Variants in ASB7 observed in about 807,000 individuals in gnomAD.
ASB7 encodes the protein ankyrin repeat and SOCS box containing 7.
In ASB7, 4 loss-of-function variants were observed where a neutral mutation model predicts 32.5. The ratio of observed to expected loss-of-function variants is 0.12; its 90% CI spans 0.06 to 0.28. The LOEUF (loss-of-function observed/expected upper bound fraction) is 0.28. Among genes scored for constraint, ASB7 ranks in the 10% least tolerant of loss-of-function variants. The probability of loss-of-function intolerance (pLI) is 1.00; values close to 1 mark genes in which losing one functional copy is unlikely to be tolerated. For synonymous variants in ASB7, 172 were observed against 155.6 expected, an observed-to-expected ratio of 1.11 and a Z score of -0.78; for missense variants, 181 against 407.1, an observed-to-expected ratio of 0.44 and a Z score of 4.78.
chr15:100,612,335 C>T lies in ASB7; in HGVS notation c.119C>T (p.Pro40Leu), dbSNP rs2039703825. ...VRKMLEQGYS[P>L]NGRDANGWTL... ...AAGATGCTAGAACAAGGCTATTCCC[C>T]GAATGGCCGAGATGCGAATGGCTGG... Residue 40 changes from proline (P) to leucine (L), a missense_variant, in exon 4 of 6, where the codon CCG becomes CTG. Transcript: ENST00000332783. 6.2e-7 allele frequency: 1 copy of T among 1,613,948 alleles called. No homozygotes were observed. The highest frequency in any genetic ancestry group is 8.5e-7 in the Non-Finnish European group (1 of 1,179,858).
At chr15:100,643,434 A>G (rs1389754759) in intron 5 of ASB7, among the ~76,000 whole-genome samples, 1 of 149,710 alleles carries the variant, frequency 6.7e-6, no homozygotes, top group Non-Finnish European at 1.5e-5. Flanking sequence ...AATCCATATC[A>G]GCAGATCCCC....
intron 5 of ASB7, among the ~76,000 whole-genome samples, chr15:100,630,713 T>C (rs190613616): frequency 9.8e-4 from 149 of 152,282 alleles, no homozygotes; most frequent in African/African-American, 3.4e-3. Flanking sequence ...TGGCCCACTT[T>C]GTGTAGTAAC....
chr15:100,631,602 G>GC (rs1260712664), intron 5 of ASB7, among the ~76,000 whole-genome samples: 3 of 152,264 alleles, frequency 2.0e-5, no homozygotes, highest in African/African-American at 7.2e-5. Flanking sequence ...AAATGCCTCA[G>GC]CCCCCTTTTT....
intron 5 of ASB7, 110 bp from the exon 6 acceptor site, chr15:100,648,213 A>G: frequency 1.7e-6 from 2 of 1,189,248 alleles, no homozygotes; most frequent in Middle Eastern, 2.0e-4. Context: ...GGTCCTTTGC[A>G]TGTCAAGTCC....
chr15:100,607,985 G>A (rs1380153625), intron 2 of ASB7, among the ~76,000 whole-genome samples: 2 of 152,160 alleles, frequency 1.3e-5, no homozygotes, highest in Non-Finnish European at 2.9e-5. Context: ...AAGTGGCGGT[G>A]GATAGTTGGA....
At chr15:100,645,403 A>G (rs1464306350) in intron 5 of ASB7, 1 of 301,552 alleles carries the variant, frequency 3.3e-6, no homozygotes, top group Non-Finnish European at 6.4e-6. Context: ...AATCTCTATA[A>G]TCAAATTATC....
rs1010978960 is a variant in ASB7 at position 100,648,515 on chromosome 15, CT to C, written c.*58del. ...AGTTCTATTCTAGATACTTAAAAGGCTTTTTGCCTTGCACAAAGTATATCCT... is the reference window on the plus strand; with the variant it reads ...AGTTCTATTCTAGATACTTAAAAGGCTTTTGCCTTGCACAAAGTATATCCT... On this transcript the variant is annotated 3_prime_UTR_variant, in exon 6 of 6. Coordinates refer to ENST00000332783, the MANE Select transcript of ASB7 (RefSeq NM_198243.3). 2.7e-6 allele frequency: 4 copies of C among 1,461,116 alleles called. No individual in the cohort carries two copies. In the African/African-American group the frequency reaches 4.3e-5, roughly 16 times the overall value. 90.5% of individuals were successfully genotyped at this position (1,461,116 alleles called of 1,614,324 possible).
At chr15:100,617,831 C>G (rs1242210385) in intron 4 of ASB7, among the ~76,000 whole-genome samples, 1 of 152,198 alleles carries the variant, frequency 6.6e-6, no homozygotes, top group Non-Finnish European at 1.5e-5. Context: ...AAAGCGAAAA[C>G]TAACACCAGT....
chr15:100,643,941 G>A (rs1461165963), intron 5 of ASB7, among the ~76,000 whole-genome samples: 2 of 151,994 alleles, frequency 1.3e-5, no homozygotes, highest in Non-Finnish European at 2.9e-5. Flanking sequence ...ATGTTATGGT[G>A]GTTCTTTTTA....
At chr15:100,631,716 T>C (rs1025122917) in intron 5 of ASB7, among the ~76,000 whole-genome samples, 1 of 152,226 alleles carries the variant, frequency 6.6e-6, no homozygotes, top group Non-Finnish European at 1.5e-5. Context: ...GCAGGTCGCC[T>C]AATCTCTCTG....
intron 4 of ASB7, among the ~76,000 whole-genome samples, chr15:100,619,718 C>A (rs7178447): frequency 0.047 from 7,184 of 152,254 alleles, 564 homozygotes; most frequent in African/African-American, 0.16. Context: ...GATCAGTGAT[C>A]ACACAGAGCT....
At chr15:100,633,658 AAGGAAGGAAGG>A (rs2039901220) in intron 5 of ASB7, among the ~76,000 whole-genome samples, 1 of 146,398 alleles carries the variant, frequency 6.8e-6, no homozygotes, top group Non-Finnish European at 1.5e-5. Context: ...AGGAAGGAGG[AAGGAAGGAAGG>A]AGGAAGGAAG....
chr15:100,610,233 G>A (rs1263511857), intron 3 of ASB7, among the ~76,000 whole-genome samples: 1 of 152,168 alleles, frequency 6.6e-6, no homozygotes, highest in Non-Finnish European at 1.5e-5. Context: ...AGTGGCTCAC[G>A]CCTGTAATCC....
intron 4 of ASB7, among the ~76,000 whole-genome samples, chr15:100,626,420 C>A (rs1217505759): frequency 1.3e-5 from 2 of 152,104 alleles, no homozygotes; most frequent in East Asian, 3.8e-4. Flanking sequence ...TTTTACCTCT[C>A]TAGAATGAGT....
At chr15:100,646,190 G>A in intron 5 of ASB7, 1 of 399,588 alleles carries the variant, frequency 2.5e-6, no homozygotes, top group Non-Finnish European at 5.0e-6. Context: ...CCACTCAATA[G>A]TAACACAAAC....
At chr15:100,609,105 C>T (rs1288579530) in intron 2 of ASB7, among the ~76,000 whole-genome samples, 1 of 152,096 alleles carries the variant, frequency 6.6e-6, no homozygotes, top group Non-Finnish European at 1.5e-5. Context: ...AGAGTTTATT[C>T]AGAATTCACA....
At chr15:100,613,172 A>G (rs986493947) in intron 4 of ASB7, among the ~76,000 whole-genome samples, 1 of 152,184 alleles carries the variant, frequency 6.6e-6, no homozygotes. Flanking sequence ...TATGGTTGAA[A>G]GCAGCTTGGT....
intron 2 of ASB7, among the ~76,000 whole-genome samples, chr15:100,609,062 C>G (rs1013720141): frequency 1.3e-5 from 2 of 152,152 alleles, no homozygotes; most frequent in African/African-American, 4.8e-5. Context: ...TTAATTGACA[C>G]GAAGAAAGAT....
Position 100,643,436 on chromosome 15 carries a change from C to T in ASB7, c.818-4887C>T, listed in dbSNP as rs539252030. ...CTGTCACAAAACAAATCCATATCAG[C>T]AGATCCCCCATTCCATAACCTTTTG... On this transcript the variant is annotated intron_variant, in intron 5 of 5. Transcript: ENST00000332783. 3.3e-5 allele frequency among the ~76,000 whole-genome samples: 5 copies of T among 150,888 alleles called. No individual in the cohort carries two copies. The East Asian group carries it at 9.8e-4, about 29-fold the overall frequency.
Sources: gnomAD v4.1 joint callset for allele counts (sites outside exome capture counted in the v4.1 genomes callset) on GRCh38, gnomAD v4.1.1 for gene constraint, MANE v1.5 for transcripts, NCBI Gene and HGNC (gene_info 2026-07-23, HGNC 2026-07-21) for gene names.